The following CNKSR3 variants were observed in gnomAD, a reference collection of about 807,000 sequenced individuals.
CNKSR3 encodes CNKSR family member 3.
CNKSR3 carries 36 observed loss-of-function variants against 67.7 expected under a neutral mutation model. The ratio of observed to expected loss-of-function variants is 0.53; its 90% CI spans 0.41 to 0.70. CNKSR3 has a LOEUF of 0.70. Ranked by LOEUF, CNKSR3 falls within the 30% of genes least tolerant of loss-of-function variation. The probability of loss-of-function intolerance (pLI) is 0.00; values close to 1 mark genes in which losing one functional copy is unlikely to be tolerated. For missense variants in CNKSR3, 630 were observed against 695.2 expected, an observed-to-expected ratio of 0.91 and a Z score of 1.05; for synonymous variants, 281 against 271.4, an observed-to-expected ratio of 1.04 and a Z score of -0.35.
Position 154,404,693 on chromosome 6 carries a change from A to C in CNKSR3, c.*1661T>G, listed in dbSNP as rs1784754134. The C allele has an allele frequency of 6.6e-6, 1 of 152,164 alleles. No homozygotes were observed. The highest frequency in any genetic ancestry group is 1.5e-5 in the Non-Finnish European group (1 of 68,100). 9.4% of individuals were successfully genotyped at this position (152,164 alleles called of 1,614,324 possible). ...CTAAAAATACAAAAATTAGCCAGGCATGGTGGCGGGCACCTATAATCCCAG... is the reference window on the plus strand; with the variant it reads ...CTAAAAATACAAAAATTAGCCAGGCCTGGTGGCGGGCACCTATAATCCCAG... On this transcript the variant is annotated 3_prime_UTR_variant, in exon 13 of 13. Coordinates refer to ENST00000607772, the MANE Select transcript of CNKSR3 (RefSeq NM_173515.4).
chr6:154,460,503 G>A (rs942845110), intron 1 of CNKSR3, among the ~76,000 whole-genome samples: 2 of 152,134 alleles, frequency 1.3e-5, no homozygotes, highest in Non-Finnish European at 2.9e-5. Flanking sequence ...CAAAACCTAC[G>A]CAATACTCTG....
intron 1 of CNKSR3, among the ~76,000 whole-genome samples, chr6:154,487,175 C>T (rs545226323): frequency 1.3e-5 from 2 of 152,302 alleles, no homozygotes; most frequent in East Asian, 3.9e-4. Context: ...CACCAATGGG[C>T]AGTTTACTAT....
intron 4 of CNKSR3, 27 bp downstream of exon 4, chr6:154,441,265 A>C: frequency 7.7e-7 from 1 of 1,306,916 alleles, no homozygotes; most frequent in East Asian, 2.4e-5. Context: ...AAAAAAAAAA[A>C]GAAAGTGAAA....
chr6:154,463,164 TGCAGTG>T (rs1786118797), intron 1 of CNKSR3, among the ~76,000 whole-genome samples: 1 of 149,784 alleles, frequency 6.7e-6, no homozygotes, highest in Non-Finnish European at 1.5e-5. Context: ...CAGGTTGGAG[TGCAGTG>T]GCACAATCTC....
chr6:154,431,640 T>C (rs1352805579), intron 5 of CNKSR3, among the ~76,000 whole-genome samples: 2 of 152,078 alleles, frequency 1.3e-5, no homozygotes, highest in Non-Finnish European at 1.5e-5. Flanking sequence ...ATATCCCCTG[T>C]ATGCAACCTA....
intron 9 of CNKSR3, among the ~76,000 whole-genome samples, chr6:154,420,987 A>G (rs77579458): frequency 0.026 from 4,026 of 152,156 alleles, 74 homozygotes; most frequent in Non-Finnish European, 0.042. Flanking sequence ...CCCTACCTTT[A>G]TTACTGTGAG....
chr6:154,486,242 G>A (rs549089222), intron 1 of CNKSR3, among the ~76,000 whole-genome samples: 4 of 151,590 alleles, frequency 2.6e-5, no homozygotes, highest in East Asian at 1.9e-4. Flanking sequence ...ATCACCCCTC[G>A]ACAGCATGAC....
At chr6:154,475,892 G>A (rs1452229068) in intron 1 of CNKSR3, among the ~76,000 whole-genome samples, 2 of 152,122 alleles carry the variant, frequency 1.3e-5, no homozygotes, top group African/African-American at 2.4e-5. Context: ...CTTAAGTACA[G>A]TAACACCTCA....
At chr6:154,491,231 G>C (rs117325800) in intron 1 of CNKSR3, among the ~76,000 whole-genome samples, 406 of 152,270 alleles carry the variant, frequency 2.7e-3, no homozygotes, top group Non-Finnish European at 4.4e-3. Context: ...TCCTCCCTCT[G>C]CACTTCTATG....
chr6:154,476,149 T>G (rs909035930), intron 1 of CNKSR3, among the ~76,000 whole-genome samples: 1 of 152,152 alleles, frequency 6.6e-6, no homozygotes. Flanking sequence ...TTCGCTTGAC[T>G]TAAGGCCTTC....
At chr6:154,458,752 ATT>A (rs1486509484) in intron 1 of CNKSR3, among the ~76,000 whole-genome samples, 1 of 152,166 alleles carries the variant, frequency 6.6e-6, no homozygotes, top group Non-Finnish European at 1.5e-5. Context: ...CCATCAGTGG[ATT>A]AGCAGGCTTC....
At chr6:154,430,882 T>A (rs1785353128) in intron 5 of CNKSR3, among the ~76,000 whole-genome samples, 1 of 151,736 alleles carries the variant, frequency 6.6e-6, no homozygotes, top group East Asian at 1.9e-4. Flanking sequence ...AGTGGAATCA[T>A]CTCTCCCCAA....
In CNKSR3 at chr6:154,497,008, C is replaced by A. The variant is rs750362038; in HGVS notation, c.52+13055G>T. Among the ~76,000 whole-genome samples the A allele has an allele frequency of 7.2e-4, 110 of 152,098 alleles. 1 individual carries two copies. The Middle Eastern group carries it at 0.02, about 28-fold the overall frequency. ...TCTAAGATGAAGATGATAAAAGCAC[C>A]CGATATCAAATAAGCATTGTGAAGG... On this transcript the variant is annotated intron_variant, in intron 1 of 12. Coordinates refer to ENST00000607772, the MANE Select transcript of CNKSR3 (RefSeq NM_173515.4).
rs116164660 is a variant in CNKSR3, at chr6:154,414,323, G to A, written c.1046C>T (p.Pro349Leu). 21 of 1,608,850 alleles carry A rather than the reference G, an allele frequency of 1.3e-5. No homozygotes were observed. Among genetic ancestry groups the A allele is most frequent in the African/African-American group, 5.3e-5 (4 of 74,856 alleles). Residue 349 changes from proline to leucine, a missense_variant, in exon 10 of 13, where the codon CCG becomes CTG. Physicochemically the swap from Pro to Leu is moderately conservative, Grantham distance 98. Around this residue, in one of 3 missense-constraint regions of CNKSR3, gnomAD observed 308 missense variants for 299.6 expected, o/e 1.03. Coordinates refer to ENST00000607772, the MANE Select transcript of CNKSR3 (RefSeq NM_173515.4). The stretch of plus-strand genomic sequence containing the variant: ...CCGGGGAGAGTAGGGAACAGCAGGC[G>A]GAGGAGGAATATAAAGATCCAGGAT... ...SAILDLYIPP[P>L]PAVPYSPRDE...
intron 1 of CNKSR3, among the ~76,000 whole-genome samples, chr6:154,476,606 C>A (rs1355455088): frequency 6.6e-6 from 1 of 152,136 alleles, no homozygotes; most frequent in Non-Finnish European, 1.5e-5. Flanking sequence ...CTTGGAGCAT[C>A]GGTTACCTAA....
In CNKSR3 at chr6:154,428,184, T is replaced by C. The variant is rs778003393; in HGVS notation, c.673A>G (p.Met225Val). The C allele has an allele frequency of 6.2e-7, 1 of 1,604,682 alleles. No individual in the cohort carries two copies. Among genetic ancestry groups the C allele is most frequent in the Non-Finnish European group, 8.5e-7 (1 of 1,171,404 alleles). The change falls in exon 7 of 13, where the codon ATG becomes GTG. Residue 225 changes from methionine (M) to valine (V), a missense_variant. This residue lies in a region of CNKSR3 where 133 missense variants were observed against 190.6 expected (regional missense o/e 0.70). Transcript: ENST00000607772. ...CCATCATAGGTTGATTTGATGTACA[T>C]GCCCTGGAGTGAATCACAAATAGAT... ...PNIKPGEGLG[M>V]YIKSTYDGLH...
At chr6:154,478,061 C>T (rs927713656) in intron 1 of CNKSR3, among the ~76,000 whole-genome samples, 1 of 152,194 alleles carries the variant, frequency 6.6e-6, no homozygotes, top group African/African-American at 2.4e-5. Flanking sequence ...AAGGCTAAGG[C>T]AGGCACCGGG....
Position 154,472,923 on chromosome 6 carries a change from C to T in CNKSR3, c.53-22665G>A, listed in dbSNP as rs150061629. Among the ~76,000 whole-genome samples the T allele has an allele frequency of 2.8e-3, 422 of 152,238 alleles. 3 individuals are homozygous for T. Among genetic ancestry groups the T allele is most frequent in the African/African-American group, 9.6e-3 (398 of 41,532 alleles). The stretch of plus-strand genomic sequence containing the variant: ...GCTATCCCATACAATAGGAACCTCC[C>T]TTTCTTCTAAACTAAGTGAGGTATC... On this transcript the variant is annotated intron_variant, in intron 1 of 12. Transcript: ENST00000607772.
intron 9 of CNKSR3, among the ~76,000 whole-genome samples, chr6:154,421,900 A>G (rs1424352648): frequency 6.6e-6 from 1 of 151,856 alleles, no homozygotes; most frequent in African/African-American, 2.4e-5. Flanking sequence ...ACTGTCCGAT[A>G]TGGGAGTCAC....
Sources: allele counts gnomAD v4.1 joint callset (sites outside exome capture counted in the v4.1 genomes callset), GRCh38; gene constraint gnomAD v4.1.1; regional missense constraint gnomAD v4.1.1; transcripts MANE v1.5; gene names NCBI Gene and HGNC (gene_info 2026-07-23, HGNC 2026-07-21).